The following KCNT2 variants were observed in gnomAD, a reference collection of about 807,000 sequenced individuals.
The protein encoded by KCNT2 is potassium channel subfamily T member 2.
In KCNT2, 67 loss-of-function variants were observed where a neutral mutation model predicts 153.8. That is an observed-to-expected ratio of 0.44 (90% CI 0.36 to 0.53). The LOEUF is 0.53. Among genes scored for constraint, KCNT2 ranks in the 20% least tolerant of loss-of-function variants. The pLI, the probability that KCNT2 is intolerant of heterozygous loss-of-function variation, is 0.00. For synonymous variants in KCNT2, 500 were observed against 458.8 expected, an observed-to-expected ratio of 1.09 and a Z score of -1.15; for missense variants, 975 against 1,354.8, an observed-to-expected ratio of 0.72 and a Z score of 4.40.
intron 14 of KCNT2, among the ~76,000 whole-genome samples, chr1:196,362,309 G>T (rs549387915): frequency 4.5e-4 from 68 of 152,096 alleles, no homozygotes; most frequent in Non-Finnish European, 6.8e-4. Flanking sequence ...CTGCCTTGTG[G>T]TCTTTCTCAG....
At chr1:196,287,295 C>T (rs940002547) in intron 22 of KCNT2, among the ~76,000 whole-genome samples, 7 of 151,980 alleles carry the variant, frequency 4.6e-5, no homozygotes, top group African/African-American at 1.7e-4. Context: ...TAGGTTTTCC[C>T]GTGAATTTGA....
intron 13 of KCNT2, among the ~76,000 whole-genome samples, chr1:196,389,132 T>C (rs901144323): frequency 1.3e-5 from 2 of 151,756 alleles, no homozygotes; most frequent in African/African-American, 4.8e-5. Flanking sequence ...ATTAATATGG[T>C]GAACTGCTCT....
intron 1 of KCNT2, among the ~76,000 whole-genome samples, chr1:196,501,895 C>T (rs1012932029): frequency 6.6e-6 from 1 of 152,074 alleles, no homozygotes. Flanking sequence ...AAGGCAGGCA[C>T]ATTGCCTGAG....
intron 26 of KCNT2, among the ~76,000 whole-genome samples, chr1:196,243,097 A>C (rs1231875005): frequency 6.6e-6 from 1 of 152,154 alleles, no homozygotes. Context: ...AACTTCTAGC[A>C]ATCACTGATT....
At chr1:196,238,859 A>AT (rs1281360897) in intron 26 of KCNT2, among the ~76,000 whole-genome samples, 1 of 151,890 alleles carries the variant, frequency 6.6e-6, no homozygotes, top group African/African-American at 2.4e-5. Context: ...AAAAAGTGAG[A>AT]TTTTCTAAAA....
intron 22 of KCNT2, 142 bp downstream of exon 22, chr1:196,305,088 TATCA>T (rs1186529308): frequency 4.9e-6 from 3 of 607,570 alleles, no homozygotes; most frequent in Non-Finnish European, 8.8e-6. Flanking sequence ...TTAAAAAAAT[TATCA>T]ATTAGAATTT....
At chr1:196,422,479 A>G (rs1475231959) in intron 12 of KCNT2, among the ~76,000 whole-genome samples, 2 of 151,950 alleles carry the variant, frequency 1.3e-5, no homozygotes, top group African/African-American at 4.8e-5. Context: ...AATTTATACC[A>G]TTATTTGCTT....
intron 22 of KCNT2, among the ~76,000 whole-genome samples, chr1:196,300,107 G>C (rs1661039738): frequency 6.6e-6 from 1 of 152,102 alleles, no homozygotes; most frequent in African/African-American, 2.4e-5. Context: ...CATGTAGCAG[G>C]CTACAAAAAT....
chr1:196,478,092 T>C (rs1258430064), intron 5 of KCNT2, among the ~76,000 whole-genome samples: 1 of 152,218 alleles, frequency 6.6e-6, no homozygotes, highest in Non-Finnish European at 1.5e-5. Context: ...CTGCAGTATT[T>C]CCAGTCCTTC....
At chr1:196,376,476 C>T (rs1204932048) in intron 13 of KCNT2, among the ~76,000 whole-genome samples, 1 of 151,614 alleles carries the variant, frequency 6.6e-6, no homozygotes, top group Non-Finnish European at 1.5e-5. Flanking sequence ...CAGATAATTT[C>T]GTGTTTTACC....
At chr1:196,599,704 G>A (rs548793642) in intron 1 of KCNT2, among the ~76,000 whole-genome samples, 60 of 152,314 alleles carry the variant, frequency 3.9e-4, no homozygotes, top group Non-Finnish European at 6.8e-4. Flanking sequence ...AGCCATGCTT[G>A]ACAATTGGGT....
rs1665504769 is a variant in KCNT2, at chr1:196,340,419, G to C, written c.1705C>G (p.Gln569Glu). 6.2e-7 allele frequency: 1 copy of C among 1,612,586 alleles called. No individual in the cohort carries two copies. Among genetic ancestry groups the C allele is most frequent in the Non-Finnish European group, 8.5e-7 (1 of 1,179,222 alleles). ...GACCTGGACACATTGCTTTTTCTCT[G>C]CTGGTCTTGGTTTTTAAATGCTGAA... ...ENSAFKNQDQQRKSNVSRSFY... is the reference protein window; with the variant it reads ...ENSAFKNQDQERKSNVSRSFY... Residue 569 changes from glutamine (Q) to glutamate (E), a missense_variant, in exon 16 of 28, where the codon CAG (glutamine) becomes GAG (glutamate). By Grantham distance (29) the Gln-to-Glu change is conservative. Transcript: ENST00000294725.
intron 8 of KCNT2, among the ~76,000 whole-genome samples, chr1:196,440,002 C>T (rs150688813): frequency 1.3e-4 from 19 of 151,860 alleles, no homozygotes; most frequent in Admixed American, 2.6e-4. Flanking sequence ...CACATGTATA[C>T]CTATGTAACA....
intron 12 of KCNT2, among the ~76,000 whole-genome samples, chr1:196,401,183 T>C (rs1400786674): frequency 6.6e-6 from 1 of 151,868 alleles, no homozygotes; most frequent in African/African-American, 2.4e-5. Context: ...TGGAGTTTGC[T>C]TTATTTTGAG....
chr1:196,361,115 A>G (rs923522096), intron 14 of KCNT2, among the ~76,000 whole-genome samples: 1 of 151,980 alleles, frequency 6.6e-6, no homozygotes, highest in Non-Finnish European at 1.5e-5. Context: ...TATGGAGCGG[A>G]TATGCAGGGG....
At chr1:196,397,807 G>T (rs992530277) in intron 13 of KCNT2, among the ~76,000 whole-genome samples, 13 of 151,324 alleles carry the variant, frequency 8.6e-5, no homozygotes, top group African/African-American at 3.1e-4. Context: ...CTGACACATT[G>T]CTAAAATGTA....
At chr1:196,247,067 T>C (rs1655519722) in intron 26 of KCNT2, among the ~76,000 whole-genome samples, 1 of 151,250 alleles carries the variant, frequency 6.6e-6, no homozygotes, top group East Asian at 1.9e-4. Flanking sequence ...AAGACACACA[T>C]AGACTGAAAA....
At chr1:196,515,002 T>A (rs1681934852) in intron 1 of KCNT2, among the ~76,000 whole-genome samples, 1 of 152,210 alleles carries the variant, frequency 6.6e-6, no homozygotes, top group Non-Finnish European at 1.5e-5. Context: ...ATTCTAGACA[T>A]TCAGCCTCTT....
chr1:196,288,156 T>TAAAA (rs947265423), intron 22 of KCNT2, among the ~76,000 whole-genome samples: 12 of 151,620 alleles, frequency 7.9e-5, no homozygotes, highest in African/African-American at 2.9e-4. Context: ...AATAAAAAAA[T>TAAAA]AAAACGCTTG....
Sources: gnomAD v4.1 joint callset for allele counts (sites outside exome capture counted in the v4.1 genomes callset) on GRCh38, gnomAD v4.1.1 for gene constraint, MANE v1.5 for transcripts, NCBI Gene and HGNC (gene_info 2026-07-23, HGNC 2026-07-21) for gene names.